Variants in PDE4D observed in about 807,000 individuals in gnomAD.
The protein encoded by PDE4D is phosphodiesterase 4D.
A neutral mutation model predicts 87.4 loss-of-function variants in PDE4D; 24 were observed. The ratio of observed to expected loss-of-function variants is 0.27; its 90% CI spans 0.20 to 0.39. PDE4D has a LOEUF of 0.39. Among genes scored for constraint, PDE4D ranks in the 10% least tolerant of loss-of-function variants. The pLI is 1.00. For missense variants in PDE4D, 714 were observed against 1,041.0 expected (o/e 0.69, Z 4.32); for synonymous variants, 384 against 383.2 (o/e 1.00, Z -0.02).
intron 1 of PDE4D, among the ~76,000 whole-genome samples, chr5:59,841,116 G>A (rs1742939991): frequency 6.6e-6 from 1 of 152,042 alleles, no homozygotes; most frequent in South Asian, 2.1e-4. Flanking sequence ...ACTTGGGGTG[G>A]CCACTGAGAT....
intron 1 of PDE4D, among the ~76,000 whole-genome samples, chr5:60,497,436 T>C (rs779359170): frequency 6.6e-6 from 1 of 152,104 alleles, no homozygotes; most frequent in Non-Finnish European, 1.5e-5. Flanking sequence ...AGGATCTTGC[T>C]CTGTTGTCCA....
chr5:59,019,870 GCTAT>G (rs70973175), intron 6 of PDE4D, among the ~76,000 whole-genome samples: 45,812 of 149,802 alleles, frequency 0.31, 7,044 homozygotes, highest in Admixed American at 0.34. Context: ...TATATGTTTC[GCTAT>G]CTATCTATCT....
At chr5:60,519,742 A>T (rs1175653314) in intron 1 of PDE4D, among the ~76,000 whole-genome samples, 1 of 152,252 alleles carries the variant, frequency 6.6e-6, no homozygotes, top group Admixed American at 6.5e-5. Context: ...GCACAGCAGA[A>T]TACCTTAAGG....
At position 58,993,571 on chromosome 5, in the gene PDE4D, T is replaced by C. The variant is rs758487828; in HGVS notation, c.922-106A>G. 4.6e-4 allele frequency: 309 copies of C among 678,936 alleles called. 1 individual carries two copies. Among genetic ancestry groups the C allele is most frequent in the Non-Finnish European group, 6.2e-4 (252 of 404,610 alleles). 42.1% of individuals were successfully genotyped at this position (678,936 alleles called of 1,614,324 possible). Reference sequence around the variant, plus strand: ...AGATATGCCCAAAGAATTTTTAAGTTGTCCTGACAATTTAGAACAGTGCCT... The same window carrying C: ...AGATATGCCCAAAGAATTTTTAAGTCGTCCTGACAATTTAGAACAGTGCCT... On this transcript the variant is annotated intron_variant, in intron 6 of 14. Transcript: ENST00000340635.
chr5:59,557,418 A>G (rs1199028336), intron 1 of PDE4D, among the ~76,000 whole-genome samples: 2 of 152,120 alleles, frequency 1.3e-5, no homozygotes, highest in Non-Finnish European at 2.9e-5. Context: ...TTTGAGATCT[A>G]GAATCTTTAT....
At chr5:59,846,104 G>A (rs1006153210) in intron 1 of PDE4D, among the ~76,000 whole-genome samples, 1 of 152,000 alleles carries the variant, frequency 6.6e-6, no homozygotes, top group African/African-American at 2.4e-5. Context: ...AAAGCCCAAT[G>A]ACTCCCTGCT....
At chr5:60,125,689 G>T (rs1779072453) in intron 2 of PDE4D, among the ~76,000 whole-genome samples, 2 of 152,110 alleles carry the variant, frequency 1.3e-5, no homozygotes, top group South Asian at 4.1e-4. Flanking sequence ...AGCTCTGTGA[G>T]GATAGAAATG....
At chr5:59,101,944 A>G (rs1770799796) in intron 5 of PDE4D, among the ~76,000 whole-genome samples, 1 of 152,146 alleles carries the variant, frequency 6.6e-6, no homozygotes, top group South Asian at 2.1e-4. Flanking sequence ...TTTAACAAAC[A>G]TACCAGGGAA....
chr5:59,451,112 T>C (rs904237064), intron 1 of PDE4D, among the ~76,000 whole-genome samples: 2 of 152,222 alleles, frequency 1.3e-5, no homozygotes, highest in African/African-American at 4.8e-5. Context: ...ATTTCTCCCA[T>C]TGGGTCACCA....
intron 1 of PDE4D, among the ~76,000 whole-genome samples, chr5:60,442,795 T>G (rs1745345234): frequency 6.6e-6 from 1 of 152,126 alleles, no homozygotes; most frequent in Admixed American, 6.6e-5. Flanking sequence ...ATCATTAATG[T>G]AAATATTTCA....
intron 1 of PDE4D, among the ~76,000 whole-genome samples, chr5:59,852,906 T>A (rs544698126): frequency 2.2e-4 from 34 of 152,026 alleles, no homozygotes; most frequent in African/African-American, 7.5e-4. Context: ...CTTGTTCCCA[T>A]AGTTAATAGA....
chr5:59,990,667 A>C (rs763210608), intron 2 of PDE4D, among the ~76,000 whole-genome samples: 4 of 152,194 alleles, frequency 2.6e-5, no homozygotes, highest in Non-Finnish European at 5.9e-5. Context: ...ATACTTACTG[A>C]GTCTTTATTA....
At chr5:59,246,984 C>T (rs1033457788) in intron 1 of PDE4D, among the ~76,000 whole-genome samples, 2 of 152,128 alleles carry the variant, frequency 1.3e-5, no homozygotes, top group African/African-American at 4.8e-5. Flanking sequence ...GTAAAAGTTT[C>T]AGTTACAAGC....
At chr5:59,412,500 T>C (rs1303311265) in intron 1 of PDE4D, among the ~76,000 whole-genome samples, 1 of 152,200 alleles carries the variant, frequency 6.6e-6, no homozygotes, top group African/African-American at 2.4e-5. Context: ...GCTGAGGGTC[T>C]GTAGCTCATG....
At chr5:60,307,279 C>A (rs912500406) in intron 1 of PDE4D, among the ~76,000 whole-genome samples, 10 of 152,170 alleles carry the variant, frequency 6.6e-5, no homozygotes, top group African/African-American at 2.2e-4. Flanking sequence ...TTATGTCATT[C>A]TAGATCTTAA....
intron 1 of PDE4D, among the ~76,000 whole-genome samples, chr5:59,346,778 A>T (rs1779679425): frequency 6.6e-6 from 1 of 152,182 alleles, no homozygotes; most frequent in South Asian, 2.1e-4. Flanking sequence ...CCTCCTGAAC[A>T]ACTCTACTCA....
chr5:59,735,626 T>C (rs1374953472), intron 1 of PDE4D, among the ~76,000 whole-genome samples: 1 of 152,148 alleles, frequency 6.6e-6, no homozygotes, highest in East Asian at 1.9e-4. Context: ...TTTTTCTAAA[T>C]ATAAAAAGCA....
At chr5:59,078,391 A>G (rs1381638230) in intron 5 of PDE4D, among the ~76,000 whole-genome samples, 1 of 152,134 alleles carries the variant, frequency 6.6e-6, no homozygotes, top group African/African-American at 2.4e-5. Context: ...AAATGTTCAT[A>G]TATATAAATA....
chr5:59,312,145 T>C (rs950386954), intron 1 of PDE4D, among the ~76,000 whole-genome samples: 3 of 152,274 alleles, frequency 2.0e-5, no homozygotes, highest in African/African-American at 7.2e-5. Flanking sequence ...CTCGTCCAGG[T>C]CCAGATCCCC....
Sources: gnomAD v4.1 joint callset for allele counts (sites outside exome capture counted in the v4.1 genomes callset) on GRCh38, gnomAD v4.1.1 for gene constraint, MANE v1.5 for transcripts, NCBI Gene and HGNC (gene_info 2026-07-23, HGNC 2026-07-21) for gene names.